The following STAB2 variants were observed in gnomAD, a reference collection of about 807,000 sequenced individuals.
STAB2 encodes stabilin-2.
STAB2 carries 288 observed loss-of-function variants against 338.1 expected under a neutral mutation model. The observed-to-expected ratio is 0.85, with a 90% CI of 0.77 to 0.94. STAB2 has a LOEUF of 0.94. Ranked by LOEUF, STAB2 falls within the 40% of genes least tolerant of loss-of-function variation. The pLI, the probability that STAB2 is intolerant of heterozygous loss-of-function variation, is 0.00. For missense variants in STAB2, 3,141 were observed against 3,210.1 expected (o/e 0.98, Z 0.52); for synonymous variants, 1,202 against 1,193.3 (o/e 1.01, Z -0.15).
chr12:103,640,659 A>G (rs1198511709), intron 9 of STAB2, among the ~76,000 whole-genome samples: 1 of 152,208 alleles, frequency 6.6e-6, no homozygotes, highest in Admixed American at 6.5e-5. Flanking sequence ...AGGGAAAGTG[A>G]ATAAGCACTA....
At chr12:103,716,050 T>C (rs774618135) in intron 43 of STAB2, among the ~76,000 whole-genome samples, 162 bp downstream of exon 43, 13 of 152,112 alleles carry the variant, frequency 8.5e-5, no homozygotes, top group Admixed American at 3.3e-4. Flanking sequence ...GGCCCTTCTT[T>C]GGGAATGAGG....
rs79293963 is a variant in STAB2 at position 103,725,348 on chromosome 12, A to C, written c.4803+254A>C. Reference sequence around the variant, plus strand: ...GTCAGAAACACTTGGGTTTGAATTCAGTTCTCCTGGTTGGTAATGTGACTT... The same window carrying C: ...GTCAGAAACACTTGGGTTTGAATTCCGTTCTCCTGGTTGGTAATGTGACTT... On this transcript the variant is annotated intron_variant, in intron 45 of 68. Coordinates refer to ENST00000388887, the MANE Select transcript of STAB2 (RefSeq NM_017564.10). Among the ~76,000 whole-genome samples, 594 of 152,350 alleles carry C rather than the reference A, an allele frequency of 3.9e-3. 5 individuals carry two copies. Among genetic ancestry groups the C allele is most frequent in the African/African-American group, 0.014 (565 of 41,578 alleles).
At chr12:103,766,259 G>GC (rs751955779) in intron 68 of STAB2, 27 bp from the exon 69 acceptor site, 7 of 1,613,818 alleles carry the variant, frequency 4.3e-6, no homozygotes, top group Non-Finnish European at 4.2e-6. Flanking sequence ...AGAATGCCCT[G>GC]CCCCCTTACA....
In STAB2 at chr12:103,703,191, C is replaced by G; in HGVS notation, c.3758C>G (p.Thr1253Ser). The G allele has an allele frequency of 6.2e-7, 1 of 1,614,046 alleles. No homozygotes were observed. Residue 1253 changes from threonine (T) to serine (S), a missense_variant, in exon 35 of 69, where the codon ACT becomes AGT. Thr to Ser is a moderately conservative substitution (Grantham distance 58). Coordinates refer to ENST00000388887, the MANE Select transcript of STAB2 (RefSeq NM_017564.10). ...EAPINYTNVA[T>S]DKGVIHGLGK... ...CCAATAAACTACACCAATGTAGCCA[C>G]TGATAAGGGAGTGATCCATGGCTTG...
At position 103,759,165 on chromosome 12, in the gene STAB2, C is replaced by T. The variant is rs2271638; in HGVS notation, c.7140C>T (p.Leu2380=). 19,947 of 1,614,156 alleles carry T rather than the reference C, an allele frequency of 0.012. 876 individuals carry two copies. Among genetic ancestry groups the T allele is most frequent in the East Asian group, 0.091 (4,087 of 44,868 alleles). Residue 2380 remains leucine, a synonymous_variant, in exon 65 of 69, where the codon CTC becomes CTT. Coordinates refer to ENST00000388887, the MANE Select transcript of STAB2 (RefSeq NM_017564.10). ...CTGGGCGGGACATCGAGCACCACCT[C>T]GCCAATGTCAGCATGTTTTTCTACA... is the stretch of plus-strand genomic sequence containing the variant. ...TLSGRDIEHH[L]ANVSMFFYND...
chr12:103,588,632 A>G (rs1565946384), intron 1 of STAB2, among the ~76,000 whole-genome samples: 1 of 152,202 alleles, frequency 6.6e-6, no homozygotes, highest in Non-Finnish European at 1.5e-5. Flanking sequence ...TATGAGACAG[A>G]CAATGAGCCT....
intron 22 of STAB2, among the ~76,000 whole-genome samples, chr12:103,672,348 T>A (rs2138822434): frequency 6.6e-6 from 1 of 152,290 alleles, no homozygotes; most frequent in Non-Finnish European, 1.5e-5. Flanking sequence ...AATGTTGGCA[T>A]TTGTCTGAGG....
Position 103,679,491 on chromosome 12 carries a change from G to A in STAB2, c.2805+1880G>A, listed in dbSNP as rs898334628. ...ACCTCCCACTCTTGAAAACTGGTGG[G>A]AGATAGAAGCACACTACACCCAGGC... On this transcript the variant is annotated intron_variant, in intron 25 of 68. Transcript: ENST00000388887. Among the ~76,000 whole-genome samples the A allele has an allele frequency of 5.3e-5, 8 of 152,140 alleles. No individual in the cohort carries two copies. In the East Asian group the frequency reaches 1.5e-3, roughly 29 times the overall value.
intron 19 of STAB2, among the ~76,000 whole-genome samples, chr12:103,668,315 A>C (rs1875362457): frequency 6.6e-6 from 1 of 152,232 alleles, no homozygotes; most frequent in African/African-American, 2.4e-5. Flanking sequence ...GGATGGCTAT[A>C]GATCGGAAGG....
intron 6 of STAB2, among the ~76,000 whole-genome samples, chr12:103,635,466 G>A (rs949437055): frequency 2.0e-5 from 3 of 152,268 alleles, no homozygotes; most frequent in Non-Finnish European, 2.9e-5. Context: ...CTCCAGTGCC[G>A]GGTTCCTGCA....
At chr12:103,626,345 G>A (rs577917816) in intron 5 of STAB2, among the ~76,000 whole-genome samples, 8 of 152,294 alleles carry the variant, frequency 5.3e-5, no homozygotes, top group South Asian at 4.1e-4. Context: ...GTTCTAGGAC[G>A]TAACAATTAA....
chr12:103,704,479 C>A, intron 35 of STAB2, 79 bp from the exon 36 acceptor site: 1 of 1,444,478 alleles, frequency 6.9e-7, no homozygotes, highest in Non-Finnish European at 9.5e-7. Flanking sequence ...ATTCAAAAAC[C>A]TTCATTTCCA....
rs114594383 is a variant in STAB2, at chr12:103,742,643, A to G, written c.6031+89A>G. 1.0e-3 allele frequency: 1,638 copies of G among 1,578,124 alleles called. 16 individuals carry two copies. The African/African-American group carries it at 0.02, about 19-fold the overall frequency. On this transcript the variant is annotated intron_variant, in intron 56 of 68. Transcript: ENST00000388887. ...CATGCCATCTGCCTGACCTGGAGGC[A>G]TCCTTTTGTCCTTTCTCTCAGCCAC...
At chr12:103,700,980 A>T (rs1384482850) in intron 34 of STAB2, among the ~76,000 whole-genome samples, 1 of 148,112 alleles carries the variant, frequency 6.8e-6, no homozygotes, top group African/African-American at 2.5e-5. Flanking sequence ...ATATCTCCCA[A>T]TGCTATCCCT....
intron 13 of STAB2, 200 bp downstream of exon 13, chr12:103,654,898 C>G: frequency 1.6e-6 from 1 of 643,604 alleles, no homozygotes; most frequent in Non-Finnish European, 2.5e-6. Context: ...CGTACAGTAA[C>G]ATATGTGGGA....
intron 5 of STAB2, among the ~76,000 whole-genome samples, chr12:103,624,725 G>A (rs973756564): frequency 6.6e-6 from 1 of 152,140 alleles, no homozygotes; most frequent in Non-Finnish European, 1.5e-5. Flanking sequence ...ATCCGTTGAG[G>A]TCAGGAGTTT....
intron 5 of STAB2, among the ~76,000 whole-genome samples, chr12:103,625,133 T>C (rs1488872943): frequency 3.3e-5 from 5 of 151,826 alleles, no homozygotes. Flanking sequence ...TGGGAAGGAG[T>C]AAATAAAGCA....
intron 24 of STAB2, among the ~76,000 whole-genome samples, chr12:103,677,068 T>G (rs1876447114): frequency 2.0e-5 from 3 of 152,188 alleles, no homozygotes; most frequent in Non-Finnish European, 4.4e-5. Context: ...TAGTGGAGTT[T>G]GGGTTGCCAC....
intron 38 of STAB2, among the ~76,000 whole-genome samples, chr12:103,708,158 AG>A (rs941224464): frequency 6.6e-6 from 1 of 152,194 alleles, no homozygotes; most frequent in Non-Finnish European, 1.5e-5. Context: ...ACCTTGACTG[AG>A]GACACTCTCA....
Sources: allele counts gnomAD v4.1 joint callset (sites outside exome capture counted in the v4.1 genomes callset), GRCh38; gene constraint gnomAD v4.1.1; transcripts MANE v1.5; gene names NCBI Gene and HGNC (gene_info 2026-07-23, HGNC 2026-07-21).